Variants in CAPZA2 observed in about 807,000 individuals in gnomAD.
CAPZA2 encodes the protein capping actin protein of muscle Z-line subunit alpha 2.
In CAPZA2, 13 loss-of-function variants were observed where a neutral mutation model predicts 44.0. The observed-to-expected ratio is 0.30, with a 90% confidence interval of 0.19 to 0.47. The LOEUF (loss-of-function observed/expected upper bound fraction) is 0.47, where lower values mean the gene tolerates loss of function less well. Among genes scored for constraint, CAPZA2 ranks in the 20% least tolerant of loss-of-function variants. The pLI, the probability that CAPZA2 is intolerant of heterozygous loss-of-function variation, is 1.00. For missense variants in CAPZA2, 244 were observed against 338.6 expected (o/e 0.72, Z 2.19); for synonymous variants, 94 against 108.2 (o/e 0.87, Z 0.81).
chr7:116,904,619 C>A, intron 5 of CAPZA2: 2 of 414,290 alleles, frequency 4.8e-6, no homozygotes, highest in Non-Finnish European at 8.6e-6. Flanking sequence ...TGTAGAAATT[C>A]TAATACATTG....
chr7:116,877,185 G>GC (rs1562957509), intron 1 of CAPZA2, among the ~76,000 whole-genome samples: 1 of 152,156 alleles, frequency 6.6e-6, no homozygotes, highest in Non-Finnish European at 1.5e-5. Context: ...TCTTTAAACC[G>GC]CAAGTCTCAA....
At chr7:116,867,023 C>CT (rs1796491697) in intron 1 of CAPZA2, among the ~76,000 whole-genome samples, 1 of 152,142 alleles carries the variant, frequency 6.6e-6, no homozygotes, top group Admixed American at 6.5e-5. Flanking sequence ...TTTATTCTAA[C>CT]TTTTTTTGGC....
At chr7:116,903,233 AGTGT>A (rs71148342) in intron 4 of CAPZA2, among the ~76,000 whole-genome samples, 11,027 of 146,234 alleles carry the variant, frequency 0.075, 1,086 homozygotes, top group African/African-American at 0.23. Flanking sequence ...TGCAGAGAAG[AGTGT>A]GTGTGTGTGT....
At chr7:116,864,192 C>T (rs965471435) in intron 1 of CAPZA2, among the ~76,000 whole-genome samples, 8 of 152,112 alleles carry the variant, frequency 5.3e-5, no homozygotes, top group African/African-American at 1.4e-4. Context: ...AAGAGATTGT[C>T]GTGTTTTTAT....
At chr7:116,903,585 T>A (rs1412512826) in intron 4 of CAPZA2, among the ~76,000 whole-genome samples, 1 of 152,224 alleles carries the variant, frequency 6.6e-6, no homozygotes, top group Non-Finnish European at 1.5e-5. Context: ...AAATATCAGA[T>A]TATACATTAT....
At chr7:116,871,248 G>C (rs796679549) in intron 1 of CAPZA2, among the ~76,000 whole-genome samples, 7 of 152,254 alleles carry the variant, frequency 4.6e-5, no homozygotes, top group African/African-American at 1.7e-4. Context: ...CCTACTGATA[G>C]CTAGCACAGA....
At chr7:116,883,273 C>A (rs1796722889) in intron 1 of CAPZA2, among the ~76,000 whole-genome samples, 1 of 152,064 alleles carries the variant, frequency 6.6e-6, no homozygotes, top group South Asian at 2.1e-4. Context: ...CTATTGTTAA[C>A]TGGTATTTTT....
chr7:116,910,036 AG>A, intron 6 of CAPZA2, 196 bp from the exon 7 acceptor site: 1 of 556,662 alleles, frequency 1.8e-6, no homozygotes, highest in Non-Finnish European at 3.2e-6. Flanking sequence ...TCTTATCAGT[AG>A]GGTGAAAATT....
At chr7:116,906,088 C>T (rs952917891) in intron 5 of CAPZA2, among the ~76,000 whole-genome samples, 175 bp from the exon 6 acceptor site, 2 of 152,006 alleles carry the variant, frequency 1.3e-5, no homozygotes, top group East Asian at 1.9e-4. Context: ...AATTTGATTA[C>T]GCATAAATAT....
intron 1 of CAPZA2, among the ~76,000 whole-genome samples, chr7:116,878,055 CA>C (rs1314792332): frequency 6.6e-6 from 1 of 152,050 alleles, no homozygotes; most frequent in African/African-American, 2.4e-5. Flanking sequence ...TAAGTAGTGG[CA>C]ATAATTTTAT....
At chr7:116,876,773 A>C (rs1367309313) in intron 1 of CAPZA2, among the ~76,000 whole-genome samples, 1 of 152,234 alleles carries the variant, frequency 6.6e-6, no homozygotes, top group Non-Finnish European at 1.5e-5. Flanking sequence ...GACACTGGAC[A>C]GATGAGATTG....
chr7:116,907,622 A>C (rs1791534836), intron 6 of CAPZA2, among the ~76,000 whole-genome samples: 1 of 152,190 alleles, frequency 6.6e-6, no homozygotes, highest in Non-Finnish European at 1.5e-5. Context: ...TAACATATAT[A>C]AAATGAAGAA....
At chr7:116,872,673 A>C (rs533219781) in intron 1 of CAPZA2, among the ~76,000 whole-genome samples, 1 of 152,202 alleles carries the variant, frequency 6.6e-6, no homozygotes, top group East Asian at 1.9e-4. Context: ...CTCAAAAGAC[A>C]TAGCCATTTT....
In CAPZA2 at chr7:116,918,667, A is replaced by G. The variant is rs1178539564; in HGVS notation, c.*800A>G. 6.7e-6 allele frequency: 1 copy of G among 150,274 alleles called. No homozygotes were observed. The highest frequency in any genetic ancestry group is 6.7e-5 in the Admixed American group (1 of 15,036). 9.3% of individuals were successfully genotyped at this position (150,274 alleles called of 1,614,324 possible). A position where few individuals can be genotyped will look rare whatever the true frequency, so the allele number is the denominator to read the frequency against. On this transcript the variant is annotated 3_prime_UTR_variant, in exon 10 of 10. Transcript: ENST00000361183. ...TGAACTCATGACCATGTCTCGGTTT[A>G]TTTTTTTTTTCTTGGATTGAAAAGT...
rs888487224 is a variant in CAPZA2 at position 116,920,547 on chromosome 7, G to A, written c.*2680G>A. The A allele has an allele frequency of 1.3e-5, 2 of 152,386 alleles. No individual in the cohort carries two copies. Among genetic ancestry groups the A allele is most frequent in the African/African-American group, 4.8e-5 (2 of 41,446 alleles). The allele number at this position is 152,386 out of a possible 1,614,324, so 9.4% of individuals were successfully genotyped here. On this transcript the variant is annotated 3_prime_UTR_variant, in exon 10 of 10. Coordinates refer to ENST00000361183, the MANE Select transcript of CAPZA2 (RefSeq NM_006136.3). ...CAAGACCTGGGGAGAGTTTGGTCATGGAGTGTGAGATAAAGAGAACCATGT... is the reference window on the plus strand; with the variant it reads ...CAAGACCTGGGGAGAGTTTGGTCATAGAGTGTGAGATAAAGAGAACCATGT...
chr7:116,871,304 C>T (rs1398343581), intron 1 of CAPZA2, among the ~76,000 whole-genome samples: 2 of 152,090 alleles, frequency 1.3e-5, no homozygotes, highest in Non-Finnish European at 2.9e-5. Context: ...CAAGAAGGAG[C>T]GGTGCTCAGT....
Position 116,901,881 on chromosome 7 carries a change from A to ATATGTGTGTGTGTGTG in CAPZA2, c.220-2295_220-2294insATGTGTGTGTGTGTGT, listed in dbSNP as rs375500363. Among the ~76,000 whole-genome samples, 1,002 of 140,872 alleles carry ATATGTGTGTGTGTGTG rather than the reference A, an allele frequency of 7.1e-3. 10 individuals are homozygous for ATATGTGTGTGTGTGTG. Among genetic ancestry groups the ATATGTGTGTGTGTGTG allele is most frequent in the African/African-American group, 0.022 (862 of 38,318 alleles). The allele number at this position is 140,872 out of a possible 152,430, so 92.4% of individuals were successfully genotyped here. A position where few individuals can be genotyped will look rare whatever the true frequency, so the allele number is the denominator to read the frequency against. On this transcript the variant is annotated intron_variant, in intron 4 of 9. Coordinates refer to ENST00000361183, the MANE Select transcript of CAPZA2 (RefSeq NM_006136.3). Reference sequence around the variant, plus strand: ...AAAACATGCTTGAAATAACGAAGAAATGTGTGTGTGTGTGTGTGTGTGTGT... The same window carrying ATATGTGTGTGTGTGTG: ...AAAACATGCTTGAAATAACGAAGAAATATGTGTGTGTGTGTGTGTGTGTGTGTGTGTGTGTGTGTGT...
At position 116,882,020 on chromosome 7, in the gene CAPZA2, T is replaced by C. The variant is rs532186105; in HGVS notation, c.40-6107T>C. Among the ~76,000 whole-genome samples the C allele has an allele frequency of 2.0e-5, 3 of 152,310 alleles. No individual in the cohort carries two copies. In the East Asian group the frequency reaches 5.8e-4, roughly 29 times the overall value. On this transcript the variant is annotated intron_variant, in intron 1 of 9. Transcript: ENST00000361183. The stretch of plus-strand genomic sequence containing the variant: ...TGGCAGGAGTGTCACAGAAGTGATA[T>C]GTTCTCAGTATATACTCTCAGGGGG...
intron 3 of CAPZA2, among the ~76,000 whole-genome samples, chr7:116,898,539 G>T (rs1047235696): frequency 1.1e-4 from 17 of 151,930 alleles, no homozygotes; most frequent in African/African-American, 4.1e-4. Flanking sequence ...TATATTTACT[G>T]ATTTAATTTT....
Sources: gnomAD v4.1 joint callset for allele counts (sites outside exome capture counted in the v4.1 genomes callset) on GRCh38, gnomAD v4.1.1 for gene constraint, MANE v1.5 for transcripts, NCBI Gene and HGNC (gene_info 2026-07-23, HGNC 2026-07-21) for gene names.